Variants in COL4A6 observed in about 807,000 individuals in gnomAD.
The protein encoded by COL4A6 is collagen alpha-6(IV) chain.
Under a neutral mutation model 126.7 loss-of-function variants are expected in COL4A6, and 59 were observed. The ratio of observed to expected loss-of-function variants is 0.47; its 90% CI spans 0.38 to 0.58. COL4A6 has a LOEUF of 0.58. Ranked by LOEUF, COL4A6 falls within the 20% of genes least tolerant of loss-of-function variation. COL4A6 has a pLI of 0.00. For synonymous variants in COL4A6, 547 were observed against 496.6 expected, an observed-to-expected ratio of 1.10 and a Z score of -1.35; for missense variants, 1,285 against 1,337.3, an observed-to-expected ratio of 0.96 and a Z score of 0.61.
At chrX:108,287,137 G>A (rs1298718938) in intron 3 of COL4A6, among the ~76,000 whole-genome samples, 8 of 111,777 alleles carry the variant, frequency 7.2e-5, no homozygotes, top group Non-Finnish European at 1.3e-4. Flanking sequence ...AGTTCTATTC[G>A]GGTCTTTCAT....
chrX:108,404,131 C>T (rs759840239), intron 2 of COL4A6, among the ~76,000 whole-genome samples: 8 of 111,809 alleles, frequency 7.2e-5, no homozygotes, highest in African/African-American at 2.3e-4. Context: ...GCCTCCAATA[C>T]TGTGAGAAAT....
At chrX:108,388,025 T>C (rs1347244029) in intron 2 of COL4A6, among the ~76,000 whole-genome samples, 2 of 112,080 alleles carry the variant, frequency 1.8e-5, no homozygotes, top group African/African-American at 6.5e-5. Flanking sequence ...CATTTATTGA[T>C]TTGTGTATGT....
intron 2 of COL4A6, among the ~76,000 whole-genome samples, chrX:108,412,585 T>A (rs1464150521): frequency 8.9e-6 from 1 of 112,018 alleles, no homozygotes; most frequent in Non-Finnish European, 1.9e-5. Context: ...CACTCCACTC[T>A]ACTGATGTTC....
At chrX:108,414,534 C>G (rs1453087846) in intron 2 of COL4A6, among the ~76,000 whole-genome samples, 2 of 107,596 alleles carry the variant, frequency 1.9e-5, no homozygotes, top group Non-Finnish European at 3.8e-5. Flanking sequence ...AATCTCAGCA[C>G]TTTGGGAGGT....
intron 2 of COL4A6, among the ~76,000 whole-genome samples, chrX:108,382,164 T>C (rs2040572495): frequency 9.0e-6 from 1 of 111,481 alleles, no homozygotes; most frequent in African/African-American, 3.3e-5. Context: ...ATCTTGTCTT[T>C]CCTCAGAAAT....
chrX:108,195,417 G>A (rs1050225550), intron 14 of COL4A6, among the ~76,000 whole-genome samples: 2 of 111,288 alleles, frequency 1.8e-5, no homozygotes, highest in African/African-American at 3.3e-5. Flanking sequence ...GGCTATAGGC[G>A]TGCGCCACCA....
intron 2 of COL4A6, among the ~76,000 whole-genome samples, chrX:108,419,732 T>C (rs2041497150): frequency 8.9e-6 from 1 of 111,889 alleles, no homozygotes; most frequent in Non-Finnish European, 1.9e-5. Flanking sequence ...TTATAGCTAT[T>C]CTATTACCAT....
chrX:108,349,751 T>C (rs562945939), intron 2 of COL4A6, among the ~76,000 whole-genome samples: 5 of 111,767 alleles, frequency 4.5e-5, no homozygotes, highest in South Asian at 3.8e-4. Context: ...ATTAGATAGA[T>C]ACTATATTCT....
chrX:108,298,847 G>A (rs897220552), intron 3 of COL4A6, among the ~76,000 whole-genome samples: 6 of 110,377 alleles, frequency 5.4e-5, no homozygotes, highest in Non-Finnish European at 1.1e-4. Flanking sequence ...GGAGAGACGG[G>A]CTTCTATTCT....
At chrX:108,260,459 T>G (rs1317061466) in intron 3 of COL4A6, among the ~76,000 whole-genome samples, 2 of 111,417 alleles carry the variant, frequency 1.8e-5, no homozygotes, top group Non-Finnish European at 3.8e-5. Flanking sequence ...AATTGAATCA[T>G]GGGGGCGGGT....
At chrX:108,396,092 G>C (rs1486295459) in intron 2 of COL4A6, among the ~76,000 whole-genome samples, 1 of 111,211 alleles carries the variant, frequency 9.0e-6, no homozygotes, top group Non-Finnish European at 1.9e-5. Flanking sequence ...AATAAAATTA[G>C]TAAATAAAAA....
chrX:108,387,468 T>C (rs952828209), intron 2 of COL4A6, among the ~76,000 whole-genome samples: 2 of 111,722 alleles, frequency 1.8e-5, no homozygotes, highest in Admixed American at 1.9e-4. Context: ...TTTTATTCTG[T>C]TTGTAGTAAT....
intron 3 of COL4A6, among the ~76,000 whole-genome samples, chrX:108,232,953 G>A (rs2036345905): frequency 9.0e-6 from 1 of 111,650 alleles, no homozygotes. Context: ...AACCCTCAAG[G>A]AAGAGCTTTC....
At chrX:108,174,037 C>T (rs2034396425) in intron 31 of COL4A6, among the ~76,000 whole-genome samples, 1 of 112,240 alleles carries the variant, frequency 8.9e-6, no homozygotes, top group South Asian at 3.7e-4. Context: ...AGTTCTTGTT[C>T]TCAAGCTGTA....
At position 108,168,815 on chromosome X, in the gene COL4A6, T is replaced by C; in HGVS notation, c.3691+680A>G. On this transcript the variant is annotated intron_variant, in intron 37 of 44. Transcript: ENST00000334504. The stretch of plus-strand genomic sequence containing the variant: ...TCAGAGCCCATACTCTTAACCATGA[T>C]GCTATGGTGAATTCATTTCCTGGTT... 2.7e-5 allele frequency among the ~76,000 whole-genome samples: 3 copies of C among 111,763 alleles called. 1 individual carries two copies. The highest frequency in any genetic ancestry group is 5.6e-5 in the Non-Finnish European group (3 of 53,152).
At chrX:108,309,181 T>C (rs1471974880) in intron 3 of COL4A6, among the ~76,000 whole-genome samples, 1 of 111,193 alleles carries the variant, frequency 9.0e-6, no homozygotes, top group Non-Finnish European at 1.9e-5. Context: ...TCTATACTGC[T>C]TGCATGTTAT....
At position 108,175,232 on chromosome X, in the gene COL4A6, C is replaced by A; in HGVS notation, c.2831-17G>T. The A allele has an allele frequency of 1.4e-5, 16 of 1,160,444 alleles. No homozygotes were observed. Among genetic ancestry groups the A allele is most frequent in the Non-Finnish European group, 1.7e-5 (15 of 872,362 alleles). Reference sequence around the variant, plus strand: ...CTCTGTCTCCTGCAGGGATGGAGATCAGCATGAGAAAGAGAGCTTAGACGC... The same window carrying A: ...CTCTGTCTCCTGCAGGGATGGAGATAAGCATGAGAAAGAGAGCTTAGACGC... On this transcript the variant is annotated splice_polypyrimidine_tract_variant and intron_variant, in intron 29 of 44. Coordinates refer to ENST00000334504, the MANE Select transcript of COL4A6 (RefSeq NM_033641.4).
At chrX:108,413,362 CA>C (rs1795948806) in intron 2 of COL4A6, among the ~76,000 whole-genome samples, 1 of 112,220 alleles carries the variant, frequency 8.9e-6, no homozygotes, top group African/African-American at 3.2e-5. Flanking sequence ...AGTGTCATTC[CA>C]GTCCATGTGA....
At chrX:108,221,995 A>T (rs143809862) in intron 3 of COL4A6, among the ~76,000 whole-genome samples, 473 of 112,704 alleles carry the variant, frequency 4.2e-3, no homozygotes, top group Non-Finnish European at 7.4e-3. Context: ...CTTTCTTCCT[A>T]TCCCTCTCTC....
Sources: allele counts gnomAD v4.1 joint callset (sites outside exome capture counted in the v4.1 genomes callset), GRCh38; gene constraint gnomAD v4.1.1; transcripts MANE v1.5; gene names NCBI Gene and HGNC (gene_info 2026-07-23, HGNC 2026-07-21).